Variants in CHST9 observed in about 807,000 individuals in gnomAD.
CHST9 encodes the protein carbohydrate sulfotransferase 9, also known as GalNAc-4-sulfotransferase 2.
In CHST9, 41 loss-of-function variants were observed where a neutral mutation model predicts 44.4. The ratio of observed to expected loss-of-function variants is 0.92; its 90% confidence interval spans 0.72 to 1.20. The LOEUF (loss-of-function observed/expected upper bound fraction) is 1.20. Among genes scored for constraint, CHST9 ranks in the 50% most tolerant of loss-of-function variants. The pLI, the probability that CHST9 is intolerant of heterozygous loss-of-function variation, is 0.00. For missense variants in CHST9, 504 were observed against 516.5 expected, an observed-to-expected ratio of 0.98 and a Z score of 0.23; for synonymous variants, 171 against 178.4, an observed-to-expected ratio of 0.96 and a Z score of 0.33.
At chr18:27,044,714 T>G (rs540036733) in intron 3 of CHST9, among the ~76,000 whole-genome samples, 1 of 152,024 alleles carries the variant, frequency 6.6e-6, no homozygotes. Context: ...TCAAAAACAC[T>G]ATAAAAATAG....
At chr18:27,004,314 G>A (rs1406815114) in intron 4 of CHST9, among the ~76,000 whole-genome samples, 1 of 150,202 alleles carries the variant, frequency 6.7e-6, no homozygotes, top group Non-Finnish European at 1.5e-5. Context: ...AGCAGGGCGG[G>A]GGCGTTTTGC....
Position 27,091,315 on chromosome 18 carries a change from A to C in CHST9, c.122-42812T>G, listed in dbSNP as rs528645629. 1.5e-4 allele frequency among the ~76,000 whole-genome samples: 23 copies of C among 152,302 alleles called. 1 individual carries two copies. In the South Asian group the frequency reaches 4.6e-3, roughly 30 times the overall value. ...GATTTTGTATCCTGAGACTTTGCTG[A>C]AGTTGCTTATCAGCTTAAGGAGATT... On this transcript the variant is annotated intron_variant, in intron 2 of 5. Coordinates refer to ENST00000618847, the MANE Select transcript of CHST9 (RefSeq NM_031422.6).
intron 5 of CHST9, among the ~76,000 whole-genome samples, chr18:26,937,309 T>C (rs562381455): frequency 1.3e-5 from 2 of 152,306 alleles, no homozygotes; most frequent in African/African-American, 4.8e-5. Flanking sequence ...CTCATCTTCA[T>C]GGTTAAAACA....
intron 4 of CHST9, among the ~76,000 whole-genome samples, chr18:26,945,513 A>G (rs2078327026): frequency 6.6e-6 from 1 of 152,210 alleles, no homozygotes; most frequent in Non-Finnish European, 1.5e-5. Flanking sequence ...AATGAATCAT[A>G]AAGCATAGAG....
intron 2 of CHST9, among the ~76,000 whole-genome samples, chr18:27,134,085 A>C (rs1306906324): frequency 2.0e-5 from 3 of 152,228 alleles, no homozygotes; most frequent in Admixed American, 1.3e-4. Flanking sequence ...AGGTATACAG[A>C]GATAACCTGA....
chr18:27,047,429 CAGGCTTTAAA>C (rs1284737834), intron 3 of CHST9, among the ~76,000 whole-genome samples: 2 of 101,644 alleles, frequency 2.0e-5, no homozygotes, highest in Admixed American at 9.5e-5. Context: ...TGTTCATGAT[CAGGCTTTAAA>C]AGGTTCCCAG....
intron 2 of CHST9, among the ~76,000 whole-genome samples, chr18:27,078,509 T>C (rs1454532663): frequency 6.6e-6 from 1 of 152,180 alleles, no homozygotes; most frequent in East Asian, 1.9e-4. Context: ...TATATTATAA[T>C]CTTAAACCTT....
chr18:27,018,581 T>C (rs1293552490), intron 4 of CHST9, among the ~76,000 whole-genome samples: 1 of 152,190 alleles, frequency 6.6e-6, no homozygotes, highest in Non-Finnish European at 1.5e-5. Flanking sequence ...AACAGTACTT[T>C]TTCTTTCCCC....
At chr18:27,130,274 C>T (rs931025104) in intron 2 of CHST9, among the ~76,000 whole-genome samples, 2 of 152,160 alleles carry the variant, frequency 1.3e-5, no homozygotes, top group African/African-American at 2.4e-5. Context: ...GAGGTCTTTA[C>T]ACTCATACTC....
At chr18:27,145,550 A>G (rs371399223) in intron 1 of CHST9, among the ~76,000 whole-genome samples, 1 of 152,230 alleles carries the variant, frequency 6.6e-6, no homozygotes, top group Non-Finnish European at 1.5e-5. Context: ...GCTGTTTGTC[A>G]GCGCTACCTA....
chr18:27,107,030 G>T (rs1439047847), intron 2 of CHST9, among the ~76,000 whole-genome samples: 1 of 152,118 alleles, frequency 6.6e-6, no homozygotes, highest in Non-Finnish European at 1.5e-5. Flanking sequence ...GATGGAGTGG[G>T]TTTCCACAGA....
intron 4 of CHST9, among the ~76,000 whole-genome samples, chr18:26,997,500 T>A (rs929102253): frequency 6.6e-6 from 1 of 152,246 alleles, no homozygotes; most frequent in African/African-American, 2.4e-5. Context: ...ATGAGATTTA[T>A]CTGCACAATG....
chr18:27,037,049 T>C (rs942082039), intron 3 of CHST9, among the ~76,000 whole-genome samples: 1 of 152,202 alleles, frequency 6.6e-6, no homozygotes, highest in Middle Eastern at 3.2e-3. Context: ...TTGTTTTCTG[T>C]CGTTTAGAGA....
chr18:27,008,265 GAGA>G lies in CHST9; in HGVS notation c.202+15848_202+15850del, dbSNP rs1374301730. Among the ~76,000 whole-genome samples the G allele has an allele frequency of 5.3e-5, 8 of 152,198 alleles. No homozygotes were observed. The East Asian group carries it at 1.2e-3, about 22-fold the overall frequency. On this transcript the variant is annotated intron_variant, in intron 4 of 5. Transcript: ENST00000618847. ...AACATGAAAGTCATCCACTGAAGAG[GAGA>G]AGAAGATGGGGTTGGGAGATTAAAT...
chr18:27,148,520 T>A (rs1171330149), intron 1 of CHST9, among the ~76,000 whole-genome samples: 2 of 148,420 alleles, frequency 1.3e-5, no homozygotes, highest in Non-Finnish European at 3.0e-5. Context: ...TGGTTTTTTG[T>A]CCTTGTGATA....
At chr18:27,179,144 A>G (rs2058892066) in intron 1 of CHST9, among the ~76,000 whole-genome samples, 1 of 151,762 alleles carries the variant, frequency 6.6e-6, no homozygotes, top group Non-Finnish European at 1.5e-5. Context: ...CTTTATGGAG[A>G]TATACATTTA....
chr18:27,059,194 G>T (rs973349658), intron 2 of CHST9, among the ~76,000 whole-genome samples: 53 of 152,176 alleles, frequency 3.5e-4, no homozygotes, highest in Admixed American at 1.6e-3. Flanking sequence ...TGGAGTAAAA[G>T]TAAAGTGGAG....
chr18:27,018,975 G>A (rs781073818), intron 4 of CHST9, among the ~76,000 whole-genome samples: 48 of 152,132 alleles, frequency 3.2e-4, no homozygotes, highest in Non-Finnish European at 4.3e-4. Flanking sequence ...CTCATTCTCC[G>A]GAGAAACTGA....
At chr18:27,105,595 A>G (rs11665636) in intron 2 of CHST9, among the ~76,000 whole-genome samples, 52,826 of 151,986 alleles carry the variant, frequency 0.35, 9,576 homozygotes, top group East Asian at 0.51. Context: ...TTTGAGAAAT[A>G]TCCCTATGTG....
Sources: allele counts gnomAD v4.1 joint callset (sites outside exome capture counted in the v4.1 genomes callset), GRCh38; gene constraint gnomAD v4.1.1; transcripts MANE v1.5; gene names NCBI Gene and HGNC (gene_info 2026-07-23, HGNC 2026-07-21).